Variants in PLEKHM3 observed in about 807,000 individuals in gnomAD.
The protein encoded by PLEKHM3 is pleckstrin homology domain-containing family M member 3.
A neutral mutation model predicts 81.8 loss-of-function variants in PLEKHM3; 45 were observed. The observed-to-expected ratio is 0.55, with a 90% CI of 0.43 to 0.71. The LOEUF is 0.71. PLEKHM3 is among the 30% of genes least tolerant of loss of function. The probability of loss-of-function intolerance (pLI) is 0.00; values close to 1 mark genes in which losing one functional copy is unlikely to be tolerated. For synonymous variants in PLEKHM3, 352 were observed against 356.4 expected, an observed-to-expected ratio of 0.99 and a Z score of 0.14; for missense variants, 788 against 924.3, an observed-to-expected ratio of 0.85 and a Z score of 1.91.
At chr2:207,854,021 C>G (rs1574337798) in intron 7 of PLEKHM3, among the ~76,000 whole-genome samples, 1 of 152,026 alleles carries the variant, frequency 6.6e-6, no homozygotes, top group South Asian at 2.1e-4. Flanking sequence ...TCCAAGTGAT[C>G]CTGCCTAGGC....
intron 7 of PLEKHM3, among the ~76,000 whole-genome samples, chr2:207,859,140 T>C (rs958411499): frequency 2.2e-5 from 3 of 139,386 alleles, no homozygotes; most frequent in South Asian, 4.4e-4. Context: ...CTTTTTCTTT[T>C]TTTTTTTTTT....
chr2:207,937,415 T>C (rs920840078), intron 4 of PLEKHM3, among the ~76,000 whole-genome samples: 1 of 151,862 alleles, frequency 6.6e-6, no homozygotes, highest in African/African-American at 2.4e-5. Context: ...AAAACTAATT[T>C]AAAAATTAGC....
At chr2:207,879,566 C>A (rs1360059919) in intron 6 of PLEKHM3, among the ~76,000 whole-genome samples, 1 of 152,210 alleles carries the variant, frequency 6.6e-6, no homozygotes, top group East Asian at 1.9e-4. Flanking sequence ...AACAAAATGG[C>A]AAGTCTTTGA....
At chr2:207,860,690 G>T (rs1293279111) in intron 7 of PLEKHM3, among the ~76,000 whole-genome samples, 1 of 152,134 alleles carries the variant, frequency 6.6e-6, no homozygotes, top group Non-Finnish European at 1.5e-5. Context: ...CCAGGCAGCA[G>T]CTGCTCACCA....
At chr2:207,842,007 A>G (rs754350266) in intron 7 of PLEKHM3, among the ~76,000 whole-genome samples, 109 of 152,230 alleles carry the variant, frequency 7.2e-4, no homozygotes, top group Non-Finnish European at 1.3e-3. Context: ...GTGTGATCAC[A>G]GCTCACTGCA....
intron 7 of PLEKHM3, among the ~76,000 whole-genome samples, chr2:207,849,412 T>A (rs1166975176): frequency 6.6e-6 from 1 of 152,166 alleles, no homozygotes; most frequent in Non-Finnish European, 1.5e-5. Flanking sequence ...TTGGTGTTAA[T>A]AAGTTCAATG....
intron 6 of PLEKHM3, among the ~76,000 whole-genome samples, chr2:207,871,468 AT>A (rs1404234817): frequency 6.6e-6 from 1 of 152,216 alleles, no homozygotes; most frequent in African/African-American, 2.4e-5. Flanking sequence ...GGGTAGATTT[AT>A]GAGTGGCCAC....
At chr2:207,938,834 CA>C (rs1370831041) in intron 4 of PLEKHM3, among the ~76,000 whole-genome samples, 1 of 152,140 alleles carries the variant, frequency 6.6e-6, no homozygotes. Flanking sequence ...GAATGACCAC[CA>C]AAACAAAACA....
chr2:207,847,349 CTT>C (rs1461840464), intron 7 of PLEKHM3, among the ~76,000 whole-genome samples: 1 of 152,212 alleles, frequency 6.6e-6, no homozygotes, highest in Non-Finnish European at 1.5e-5. Context: ...CCAAGTTACT[CTT>C]TGACTAAAGT....
chr2:207,875,073 C>A (rs2092553837), intron 6 of PLEKHM3, among the ~76,000 whole-genome samples: 1 of 151,378 alleles, frequency 6.6e-6, no homozygotes, highest in Non-Finnish European at 1.5e-5. Flanking sequence ...AGTAATAAAT[C>A]TAAATATATA....
intron 6 of PLEKHM3, among the ~76,000 whole-genome samples, chr2:207,885,353 T>C (rs1687854882): frequency 6.6e-6 from 1 of 152,244 alleles, no homozygotes; most frequent in Admixed American, 6.5e-5. Flanking sequence ...GCTTCTTGTT[T>C]GTGCTTCAGC....
In PLEKHM3 at chr2:207,906,531, G is replaced by A. The variant is rs534642385; in HGVS notation, c.1950+1983C>T. Among the ~76,000 whole-genome samples, 19 of 152,332 alleles carry A rather than the reference G, an allele frequency of 1.2e-4. No homozygotes were observed. The South Asian group carries it at 3.7e-3, about 30-fold the overall frequency. On this transcript the variant is annotated intron_variant, in intron 6 of 7. Coordinates refer to ENST00000427836, the MANE Select transcript of PLEKHM3 (RefSeq NM_001080475.3). ...TGGCAGGGAGCAGAGGCTCACACCT[G>A]TAATCCCAGCTCTTTGGGAGGCTGA...
intron 7 of PLEKHM3, among the ~76,000 whole-genome samples, chr2:207,830,719 G>T (rs200320617): frequency 4.1e-5 from 6 of 146,564 alleles, no homozygotes; most frequent in African/African-American, 1.5e-4. Context: ...AGTGTCCTTA[G>T]AAGTGTCCTA....
intron 5 of PLEKHM3, among the ~76,000 whole-genome samples, chr2:207,909,309 TA>T (rs1290686008): frequency 2.0e-5 from 3 of 152,226 alleles, no homozygotes; most frequent in South Asian, 2.1e-4. Flanking sequence ...GCAAACAGGT[TA>T]CCAAAGTGTA....
rs1008894993 is a variant in PLEKHM3 at position 207,845,304 on chromosome 2, C to T, written c.2108+15801G>A. The stretch of plus-strand genomic sequence containing the variant: ...TGACAAAACCAAGATACTATTGTAC[C>T]CTTTGTAATTCTAAAGCATAAAACA... On this transcript the variant is annotated intron_variant, in intron 7 of 7. Transcript: ENST00000427836. Among the ~76,000 whole-genome samples, 7 of 152,084 alleles carry T rather than the reference C, an allele frequency of 4.6e-5. No individual in the cohort carries two copies. In the South Asian group the frequency reaches 1.0e-3, roughly 23 times the overall value.
chr2:207,903,362 C>T (rs191562342), intron 6 of PLEKHM3, among the ~76,000 whole-genome samples: 1 of 152,022 alleles, frequency 6.6e-6, no homozygotes, highest in East Asian at 1.9e-4. Flanking sequence ...AGGTGGTGGG[C>T]AGTGGAGGGA....
intron 5 of PLEKHM3, among the ~76,000 whole-genome samples, chr2:207,922,289 G>T (rs189124552): frequency 2.2e-3 from 332 of 152,268 alleles, no homozygotes; most frequent in Middle Eastern, 0.01. Flanking sequence ...TAAAAGGGCT[G>T]CTGTAAAGAA....
chr2:207,966,238 T>G (rs952933128), intron 3 of PLEKHM3, among the ~76,000 whole-genome samples: 5 of 152,254 alleles, frequency 3.3e-5, no homozygotes, highest in African/African-American at 1.2e-4. Context: ...ATCTCTATCC[T>G]GCAGATGAGA....
intron 7 of PLEKHM3, among the ~76,000 whole-genome samples, chr2:207,848,659 T>C (rs186782293): frequency 6.6e-6 from 1 of 152,314 alleles, no homozygotes; most frequent in Non-Finnish European, 1.5e-5. Flanking sequence ...CATGTGTACA[T>C]GAGGCTTAAA....
Sources: gnomAD v4.1 joint callset for allele counts (sites outside exome capture counted in the v4.1 genomes callset) on GRCh38, gnomAD v4.1.1 for gene constraint, MANE v1.5 for transcripts, NCBI Gene and HGNC (gene_info 2026-07-23, HGNC 2026-07-21) for gene names.